The following TBC1D16 variants were observed in gnomAD, a reference collection of about 807,000 sequenced individuals.
The protein encoded by TBC1D16 is TBC1 domain family member 16, also known as CTD-2529O21.1.
A neutral mutation model predicts 74.7 loss-of-function variants in TBC1D16; 58 were observed. The observed-to-expected ratio is 0.78, with a 90% CI of 0.63 to 0.97. TBC1D16 has a LOEUF of 0.97. Ranked by LOEUF, TBC1D16 falls within the 50% of genes least tolerant of loss-of-function variation. TBC1D16 has a pLI of 0.00. For synonymous variants in TBC1D16, 493 were observed against 474.7 expected (o/e 1.04, Z -0.50); for missense variants, 1,014 against 1,079.5 (o/e 0.94, Z 0.85).
At chr17:80,015,883 T>C (rs969640686) in intron 1 of TBC1D16, among the ~76,000 whole-genome samples, 5 of 151,836 alleles carry the variant, frequency 3.3e-5, no homozygotes, top group Admixed American at 3.3e-4. Context: ...TGGTGGCATG[T>C]GCCTGTAGTC....
At position 79,944,819 on chromosome 17, in the gene TBC1D16, G is replaced by A. The variant is rs71389724; in HGVS notation, c.1908+89C>T. ...TGTGTGGCTGTGGGTGGGGGGCGGC[G>A]AGGCGGACAGGGGCAGCAGGCAGGG... is the stretch of plus-strand genomic sequence containing the variant. On this transcript the variant is annotated intron_variant, in intron 10 of 11. Transcript: ENST00000310924. The surrounding 1 kb of genome is among the most constrained non-coding windows in gnomAD (Gnocchi z 7.7). 1.0e-4 allele frequency: 126 copies of A among 1,230,660 alleles called. No homozygotes were observed. In the South Asian group the frequency reaches 1.6e-3, roughly 16 times the overall value. The allele number at this position is 1,230,660 out of a possible 1,614,324, so 76.2% of individuals were successfully genotyped here. A position where few individuals can be genotyped will look rare whatever the true frequency, so the allele number is the denominator to read the frequency against.
chr17:79,968,424 A>T (rs1442050115), intron 3 of TBC1D16, among the ~76,000 whole-genome samples: 1 of 152,248 alleles, frequency 6.6e-6, no homozygotes, highest in Non-Finnish European at 1.5e-5. Context: ...AATGGATCAA[A>T]GACTTAAGTG....
At chr17:80,019,390 G>A (rs574232892) in intron 1 of TBC1D16, among the ~76,000 whole-genome samples, 4 of 149,052 alleles carry the variant, frequency 2.7e-5, no homozygotes, top group African/African-American at 5.2e-5. Context: ...CGTCCCCCAC[G>A]TGCAGAACTC....
At chr17:79,973,037 G>T (rs1169668678) in intron 3 of TBC1D16, among the ~76,000 whole-genome samples, 1 of 152,090 alleles carries the variant, frequency 6.6e-6, no homozygotes. Context: ...AGCCGAGATC[G>T]TCCTGCTACA....
intron 2 of TBC1D16, among the ~76,000 whole-genome samples, chr17:80,011,776 A>T (rs2035903850): frequency 6.6e-6 from 1 of 151,670 alleles, no homozygotes; most frequent in African/African-American, 2.4e-5. Context: ...CAGTGAGCCG[A>T]GATTGCACCA....
In TBC1D16 at chr17:79,933,316, C is replaced by A. The variant is rs570054118; in HGVS notation, c.*7543G>T. ...ATACTGAGGGTCCGTCTCACTGGGA[C>A]GAAGAGGGGGCACAGATGCAGGTAT... On this transcript the variant is annotated 3_prime_UTR_variant, in exon 12 of 12. Coordinates refer to ENST00000310924, the MANE Select transcript of TBC1D16 (RefSeq NM_019020.4). 6.6e-6 allele frequency: 1 copy of A among 151,870 alleles called. No individual in the cohort carries two copies. Among genetic ancestry groups the A allele is most frequent in the African/African-American group, 2.4e-5 (1 of 41,290 alleles). The allele number at this position is 151,870 out of a possible 1,614,324, so 9.4% of individuals were successfully genotyped here.
chr17:79,946,593 C>CT (rs2032563193), intron 9 of TBC1D16, among the ~76,000 whole-genome samples: 1 of 152,016 alleles, frequency 6.6e-6, no homozygotes, highest in African/African-American at 2.4e-5. Flanking sequence ...AAGTCACACT[C>CT]TGTGTCCTGG....
chr17:80,018,522 T>TC (rs2036176823), intron 1 of TBC1D16, among the ~76,000 whole-genome samples: 1 of 149,794 alleles, frequency 6.7e-6, no homozygotes, highest in Non-Finnish European at 1.5e-5. Flanking sequence ...GACCTCGTGA[T>TC]CCGCCTGCCT....
intron 1 of TBC1D16, among the ~76,000 whole-genome samples, chr17:80,025,007 G>C (rs1220423235): frequency 5.3e-5 from 1 of 18,916 alleles, no homozygotes; most frequent in Admixed American, 7.8e-4. Context: ...ACACACCATA[G>C]ACACACACAC....
At chr17:80,025,111 A>C (rs1434043373) in intron 1 of TBC1D16, among the ~76,000 whole-genome samples, 71,798 of 80,964 alleles carry the variant, frequency 0.89, 33,416 homozygotes, top group Admixed American at 0.92. Flanking sequence ...TATACACACA[A>C]ACACCACAGA....
rs1568569051 is a variant in TBC1D16, at chr17:79,944,197, G to A, written c.1908+711C>T. ...CCATCTTCAGGGTTCTCTGACGGAGGCTGCTGGAGCTGCCGTGGTGGATAG... is the reference window on the plus strand; with the variant it reads ...CCATCTTCAGGGTTCTCTGACGGAGACTGCTGGAGCTGCCGTGGTGGATAG... On this transcript the variant is annotated intron_variant, in intron 10 of 11. Coordinates refer to ENST00000310924, the MANE Select transcript of TBC1D16 (RefSeq NM_019020.4). The surrounding 1 kb of genome is among the most constrained non-coding windows in gnomAD (Gnocchi z 7.7). 1 of 1,499,740 alleles carries A rather than the reference G, an allele frequency of 6.7e-7. No individual in the cohort carries two copies. Among genetic ancestry groups the A allele is most frequent in the East Asian group, 2.5e-5 (1 of 40,598 alleles). The allele number at this position is 1,499,740 out of a possible 1,614,324, so 92.9% of individuals were successfully genotyped here.
At chr17:79,974,331 C>T (rs2034242332) in intron 3 of TBC1D16, among the ~76,000 whole-genome samples, 1 of 152,226 alleles carries the variant, frequency 6.6e-6, no homozygotes, top group African/African-American at 2.4e-5. Context: ...TTCCGCCTCC[C>T]GGGTTCAAGC....
intron 1 of TBC1D16, among the ~76,000 whole-genome samples, chr17:80,019,631 G>A (rs2036218150): frequency 6.7e-6 from 1 of 149,920 alleles, no homozygotes; most frequent in South Asian, 2.1e-4. Flanking sequence ...CTGGTCACCA[G>A]CAAACTAGAA....
At chr17:79,978,552 T>G (rs2034440503) in intron 3 of TBC1D16, among the ~76,000 whole-genome samples, 1 of 152,242 alleles carries the variant, frequency 6.6e-6, no homozygotes, top group South Asian at 2.1e-4. Flanking sequence ...TAATTTTTTC[T>G]TAGTCATATG....
chr17:80,013,367 C>A lies in TBC1D16; in HGVS notation c.181G>T (p.Gly61Cys). 6.2e-7 allele frequency: 1 copy of A among 1,601,944 alleles called. No homozygotes were observed. Among genetic ancestry groups the A allele is most frequent in the East Asian group, 2.2e-5 (1 of 44,512 alleles). Residue 61 changes from glycine (G) to cysteine (C), a missense_variant and splice_region_variant, in exon 2 of 12, where the codon GGT becomes TGT. Transcript: ENST00000310924. ...GLQGLGEHHP[G>C]YLCLYMEKDE... ...TGGAGCCTCGCCTGCCCTGGCTCAC[C>A]TGGGTGGTGCTCCCCCAGCCCCTGC...
rs1568600067 is a variant in TBC1D16 at position 79,971,626 on chromosome 17, T to C, written c.780-18808A>G. On this transcript the variant is annotated intron_variant, in intron 3 of 11. Transcript: ENST00000310924. This position sits in a 1 kb window ranked among gnomAD's most constrained non-coding sequence, Gnocchi z 4.6. The stretch of plus-strand genomic sequence containing the variant: ...GAAAAGAAGAGTCTTTAACGTATTC[T>C]TCAACTTGACTCATAAAAGTAGAGT... 6.6e-6 allele frequency among the ~76,000 whole-genome samples: 1 copy of C among 152,218 alleles called. No homozygotes were observed. Among genetic ancestry groups the C allele is most frequent in the Non-Finnish European group, 1.5e-5 (1 of 68,044 alleles).
At chr17:79,974,605 A>AG (rs1208140434) in intron 3 of TBC1D16, among the ~76,000 whole-genome samples, 2 of 152,126 alleles carry the variant, frequency 1.3e-5, no homozygotes, top group South Asian at 2.1e-4. Flanking sequence ...AGCTGCAGTG[A>AG]GGGGGGACTA....
At position 79,944,920 on chromosome 17, in the gene TBC1D16, C is replaced by A; in HGVS notation, c.1896G>T (p.Trp632Cys). 6.4e-7 allele frequency: 1 copy of A among 1,550,812 alleles called. No homozygotes were observed. The highest frequency in any genetic ancestry group is 2.4e-5 in the East Asian group (1 of 41,158). Residue 632 changes from tryptophan (W) to cysteine (C), a missense_variant, in exon 10 of 12, where the codon TGG becomes TGT. Trp to Cys is a radical substitution (Grantham distance 215). Coordinates refer to ENST00000310924, the MANE Select transcript of TBC1D16 (RefSeq NM_019020.4). This position sits in a 1 kb window ranked among gnomAD's most constrained non-coding sequence, Gnocchi z 7.7. The part of the protein sequence containing the change: ...AEALRIWEAC[W>C]AHYQTDYFHL... ...CTGCCCTGGTCACCTGGTAGTGGGC[C>A]CAGCAGGCCTCCCAGATCCGCAGCG...
Position 79,994,048 on chromosome 17 carries a change from C to A in TBC1D16, c.779+16112G>T, listed in dbSNP as rs894208111. Among the ~76,000 whole-genome samples the A allele has an allele frequency of 6.6e-6, 1 of 152,158 alleles. No individual in the cohort carries two copies. The highest frequency in any genetic ancestry group is 1.5e-5 in the Non-Finnish European group (1 of 68,018). On this transcript the variant is annotated intron_variant, in intron 3 of 11. Transcript: ENST00000310924. This position sits in a 1 kb window ranked among gnomAD's most constrained non-coding sequence, Gnocchi z 4.6. ...CTGGGGAGCACTGCCTCTCCAGGAG[C>A]CTGAACTTCCTTCTTTTTGGTTCAG...
Sources: gnomAD v4.1 joint callset for allele counts (sites outside exome capture counted in the v4.1 genomes callset) on GRCh38, gnomAD v4.1.1 for gene constraint, Gnocchi (gnomAD v3.1) non-coding constraint, MANE v1.5 for transcripts, NCBI Gene and HGNC (gene_info 2026-07-23, HGNC 2026-07-21) for gene names.